UPF3B: variants seen among roughly 807,000 people sequenced by gnomAD.
UPF3B encodes UPF3B regulator of nonsense mediated mRNA decay, also known as regulator of nonsense transcripts 3B.
Under a neutral mutation model 40.3 loss-of-function variants are expected in UPF3B, and 7 were observed. That is an observed-to-expected ratio of 0.17 (90% CI 0.10 to 0.33). The LOEUF (loss-of-function observed/expected upper bound fraction) is 0.33, where lower values mean the gene tolerates loss of function less well. UPF3B is among the 10% of genes least tolerant of loss of function. The pLI is 1.00. For synonymous variants in UPF3B, 117 were observed against 117.3 expected (o/e 1.00, Z 0.01); for missense variants, 229 against 358.9 (o/e 0.64, Z 2.93).
chrX:119,827,976 T>C (rs1314630094), intron 3 of UPF3B, among the ~76,000 whole-genome samples: 1 of 110,966 alleles, frequency 9.0e-6, no homozygotes, highest in Non-Finnish European at 1.9e-5. Flanking sequence ...CCTCAGATGA[T>C]CCGCCTGCCT....
rs113400144 is a variant in UPF3B at position 119,840,002 on chromosome X, G to A, written c.846+644C>T. Among the ~76,000 whole-genome samples the A allele has an allele frequency of 3.5e-3, 389 of 111,095 alleles. 2 individuals are homozygous for A. Among genetic ancestry groups the A allele is most frequent in the African/African-American group, 0.012 (353 of 30,560 alleles). Reference sequence around the variant, plus strand: ...CCCCTCATCATCAGTAATGAGCCCCGTAGAGACTTAGGGAACCCTTGCTAC... The same window carrying A: ...CCCCTCATCATCAGTAATGAGCCCCATAGAGACTTAGGGAACCCTTGCTAC... On this transcript the variant is annotated intron_variant, in intron 8 of 10. Transcript: ENST00000276201.
chrX:119,840,811 A>G, intron 7 of UPF3B, 127 bp from the exon 8 acceptor site: 2 of 701,513 alleles, frequency 2.9e-6, no homozygotes, highest in African/African-American at 2.1e-5. Context: ...TTAGAGGACA[A>G]TAGTCTAAAA....
At chrX:119,847,653 G>A (rs930432948) in intron 3 of UPF3B, among the ~76,000 whole-genome samples, 1 of 110,082 alleles carries the variant, frequency 9.1e-6, no homozygotes, top group Non-Finnish European at 1.9e-5. Flanking sequence ...TGTAATCCCA[G>A]ATACTTGGGA....
chrX:119,835,073 C>A, intron 10 of UPF3B, 46 bp from the exon 11 acceptor site: 2 of 1,187,590 alleles, frequency 1.7e-6, no homozygotes, highest in Non-Finnish European at 2.3e-6. Flanking sequence ...TGCTACTAAG[C>A]TTTTATATGG....
At chrX:119,810,362 C>A (rs2055819435) in intron 5 of UPF3B, among the ~76,000 whole-genome samples, 1 of 112,098 alleles carries the variant, frequency 8.9e-6, no homozygotes, top group Non-Finnish European at 1.9e-5. Flanking sequence ...ACCAATAGAT[C>A]ATGAAGCATC....
intron 4 of UPF3B, among the ~76,000 whole-genome samples, chrX:119,820,404 G>A (rs1476958372): frequency 9.2e-6 from 1 of 108,583 alleles, no homozygotes; most frequent in Admixed American, 1.0e-4. Context: ...ACCTACCTCA[G>A]CCTCCCAAAG....
intron 4 of UPF3B, among the ~76,000 whole-genome samples, chrX:119,821,391 C>A (rs1219416829): frequency 8.8e-6 from 1 of 113,145 alleles, no homozygotes; most frequent in East Asian, 2.8e-4. Flanking sequence ...ATGAACTGAT[C>A]TTTCTCTGGT....
In UPF3B at chrX:119,843,231, T is replaced by C; in HGVS notation, c.540A>G (p.Thr180=). Residue 180 remains threonine (T), a synonymous_variant, in exon 5 of 11, where the codon ACA becomes ACG. Transcript: ENST00000276201. ...TTTTTGCTTCTATTTCCTCTAGCAG[T>C]GTCTCTGGAGTAGATGTCATTTTCT... The part of the protein sequence containing the change: ...DNEKMTSTPE[T]LLEEIEAKNR... 1 of 1,209,016 alleles carries C rather than the reference T, an allele frequency of 8.3e-7. No individual in the cohort carries two copies. The highest frequency in any genetic ancestry group is 1.8e-5 in the South Asian group (1 of 56,961).
chrX:119,827,457 G>A (rs866784754), intron 3 of UPF3B, among the ~76,000 whole-genome samples: 1 of 47,536 alleles, frequency 2.1e-5, no homozygotes, highest in Non-Finnish European at 3.0e-5. Context: ...TTTTCGAGAC[G>A]GACTCTCTGT....
Position 119,851,856 on chromosome X carries a change from T to C in UPF3B, c.174A>G (p.Leu58=). 8.4e-7 allele frequency: 1 copy of C among 1,188,286 alleles called. No homozygotes were observed. Among genetic ancestry groups the C allele is most frequent in the African/African-American group, 1.8e-5 (1 of 55,692 alleles). ...GCTGCTCCTTGGTCAAAGTGGGAGG[T>C]AATCTTCGAATTACCACCTTAAGAA... The part of the protein sequence containing the change: ...EALSKVVIRR[L]PPTLTKEQLQ... The change falls in exon 2 of 11, where the codon TTA becomes TTG. Residue 58 remains leucine, a synonymous_variant. Coordinates refer to ENST00000276201, the MANE Select transcript of UPF3B (RefSeq NM_080632.3).
At chrX:119,819,842 C>CTTTTTTTTTTTTTTTTTT (rs34094727) in intron 4 of UPF3B, among the ~76,000 whole-genome samples, 1 of 68,642 alleles carries the variant, frequency 1.5e-5, no homozygotes, top group Non-Finnish European at 2.8e-5. Context: ...TCTATTTTTC[C>CTTTTTTTTTTTTTTTTTT]TTTTTTTTTT....
intron 4 of UPF3B, among the ~76,000 whole-genome samples, chrX:119,821,110 G>T (rs998171702): frequency 9.0e-6 from 1 of 111,283 alleles, no homozygotes; most frequent in Non-Finnish European, 1.9e-5. Context: ...TCTCCATAGT[G>T]AGTTCTTACA....
chrX:119,847,454 A>C (rs1372743064), intron 3 of UPF3B, among the ~76,000 whole-genome samples: 1 of 110,351 alleles, frequency 9.1e-6, no homozygotes, highest in African/African-American at 3.3e-5. Flanking sequence ...TCCATCTCAA[A>C]AAAACAAAAC....
intron 5 of UPF3B, among the ~76,000 whole-genome samples, chrX:119,808,157 G>A (rs970877342): frequency 9.0e-6 from 1 of 111,715 alleles, no homozygotes; most frequent in East Asian, 2.8e-4. Context: ...TGGGCTTATA[G>A]GGATGAGCCA....
intron 5 of UPF3B, among the ~76,000 whole-genome samples, chrX:119,812,874 C>A (rs1271288514): frequency 9.0e-6 from 1 of 110,918 alleles, no homozygotes; most frequent in African/African-American, 3.3e-5. Context: ...TTCATTAGTT[C>A]ACTAATGAAA....
downstream of UPF3B, among the ~76,000 whole-genome samples, chrX:119,831,043 C>T (rs2147775140): frequency 8.9e-6 from 1 of 112,553 alleles, no homozygotes; most frequent in African/African-American, 3.2e-5. Flanking sequence ...CTGCAAACTG[C>T]AATGCATGTC....
At chrX:119,815,784 C>T (rs1417639438) in intron 4 of UPF3B, among the ~76,000 whole-genome samples, 1 of 111,705 alleles carries the variant, frequency 9.0e-6, no homozygotes, top group Admixed American at 9.6e-5. Context: ...CTCCCAAATG[C>T]TAGGATTGCC....
At chrX:119,813,607 G>A (rs1205187440) in intron 5 of UPF3B, among the ~76,000 whole-genome samples, 1 of 105,188 alleles carries the variant, frequency 9.5e-6, no homozygotes, top group Non-Finnish European at 2.0e-5. Flanking sequence ...TGTCACCCAG[G>A]CTGGAGTGCA....
chrX:119,841,326 A>C, intron 6 of UPF3B, 68 bp from the exon 7 acceptor site: 1 of 1,193,399 alleles, frequency 8.4e-7, no homozygotes. Flanking sequence ...TAAATCCTGA[A>C]GTCATGGTAG....
Sources: allele counts gnomAD v4.1 joint callset (sites outside exome capture counted in the v4.1 genomes callset), GRCh38; gene constraint gnomAD v4.1.1; transcripts MANE v1.5; gene names NCBI Gene and HGNC (gene_info 2026-07-23, HGNC 2026-07-21).